PARP8: variants seen among roughly 807,000 people sequenced by gnomAD.
PARP8 encodes protein mono-ADP-ribosyltransferase PARP8.
A neutral mutation model predicts 124.1 loss-of-function variants in PARP8; 51 were observed. The observed-to-expected ratio is 0.41, with a 90% CI of 0.33 to 0.52. The LOEUF is 0.52. Ranked by LOEUF, PARP8 falls within the 20% of genes least tolerant of loss-of-function variation. The pLI, the probability that PARP8 is intolerant of heterozygous loss-of-function variation, is 0.21. For missense variants in PARP8, 860 were observed against 1,018.9 expected (o/e 0.84, Z 2.12); for synonymous variants, 391 against 361.5 (o/e 1.08, Z -0.93).
At chr5:50,667,293 TG>T in intron 1 of PARP8, 107 bp downstream of exon 1, 1 of 1,198,210 alleles carries the variant, frequency 8.3e-7, no homozygotes, top group East Asian at 2.4e-5. Flanking sequence ...GTCCCCATTC[TG>T]GGGTTCATTT....
chr5:50,743,754 A>G (rs1039029319), intron 2 of PARP8, among the ~76,000 whole-genome samples: 2 of 152,038 alleles, frequency 1.3e-5, no homozygotes, highest in Non-Finnish European at 2.9e-5. Context: ...ACATAAATAA[A>G]TAAATAAATA....
chr5:50,844,408 TTC>T lies in PARP8; in HGVS notation c.*2342_*2343del, dbSNP rs1186070109. ...ACTATAATAACTGATAAAGATGAAT[TTC>T]TGTGTTTCTAAAGAATCTAATTTCA... On this transcript the variant is annotated 3_prime_UTR_variant, in exon 26 of 26. Coordinates refer to ENST00000281631, the MANE Select transcript of PARP8 (RefSeq NM_024615.4). The T allele has an allele frequency of 6.6e-6, 1 of 151,756 alleles. No homozygotes were observed. Among genetic ancestry groups the T allele is most frequent in the Non-Finnish European group, 1.5e-5 (1 of 67,784 alleles). 9.4% of individuals were successfully genotyped at this position (151,756 alleles called of 1,614,324 possible).
At chr5:50,739,027 A>G in intron 2 of PARP8, 2 of 702,588 alleles carry the variant, frequency 2.8e-6, no homozygotes, top group Middle Eastern at 2.3e-4. Context: ...GCTAACCAGC[A>G]GAGACCAGAG....
intron 14 of PARP8, among the ~76,000 whole-genome samples, chr5:50,813,848 C>G (rs1446909438): frequency 6.6e-6 from 1 of 152,090 alleles, no homozygotes; most frequent in Non-Finnish European, 1.5e-5. Flanking sequence ...CGCACACACA[C>G]ACACAAATAT....
chr5:50,694,177 C>T (rs1752787015), intron 2 of PARP8, among the ~76,000 whole-genome samples: 1 of 152,130 alleles, frequency 6.6e-6, no homozygotes, highest in South Asian at 2.1e-4. Context: ...TCTATTTACT[C>T]ATACTATATT....
intron 22 of PARP8, among the ~76,000 whole-genome samples, chr5:50,832,017 A>T (rs1297135452): frequency 6.6e-6 from 1 of 152,130 alleles, no homozygotes; most frequent in Non-Finnish European, 1.5e-5. Context: ...CTTCTCCTCA[A>T]CCTGTCCCCA....
At chr5:50,687,923 A>G (rs1204408248) in intron 2 of PARP8, among the ~76,000 whole-genome samples, 1 of 152,130 alleles carries the variant, frequency 6.6e-6, no homozygotes, top group Non-Finnish European at 1.5e-5. Flanking sequence ...GTCTCCTTGT[A>G]GCATCCACCT....
intron 2 of PARP8, among the ~76,000 whole-genome samples, chr5:50,711,100 A>AT (rs1246390943): frequency 6.6e-6 from 1 of 152,068 alleles, no homozygotes; most frequent in Non-Finnish European, 1.5e-5. Context: ...TAGCATCTTG[A>AT]TTCCTCCTCT....
rs971592522 is a variant in PARP8 at position 50,828,225 on chromosome 5, G to C, written c.2091-87G>C. 2.9e-6 allele frequency: 4 copies of C among 1,364,910 alleles called. No homozygotes were observed. In the African/African-American group the frequency reaches 5.8e-5, roughly 20 times the overall value. 84.5% of individuals were successfully genotyped at this position (1,364,910 alleles called of 1,614,324 possible). A position where few individuals can be genotyped will look rare whatever the true frequency, so the allele number is the denominator to read the frequency against. ...TTGATTTGGCAATCCAGAACCTTCA[G>C]AAGGCACCATGACTTATTATGTTTT... On this transcript the variant is annotated intron_variant, in intron 20 of 25. Coordinates refer to ENST00000281631, the MANE Select transcript of PARP8 (RefSeq NM_024615.4).
intron 3 of PARP8, among the ~76,000 whole-genome samples, chr5:50,757,421 A>G (rs138418568): frequency 2.0e-5 from 3 of 152,260 alleles, no homozygotes; most frequent in East Asian, 3.9e-4. Flanking sequence ...TTCCTGTTCT[A>G]TGTTTCTGAT....
chr5:50,801,577 G>A (rs774437930), intron 14 of PARP8, among the ~76,000 whole-genome samples: 2 of 152,082 alleles, frequency 1.3e-5, no homozygotes, highest in Non-Finnish European at 2.9e-5. Flanking sequence ...TTGAACATTT[G>A]TATCATCTCT....
intron 2 of PARP8, chr5:50,738,867 T>C (rs1337246969): frequency 3.1e-6 from 2 of 642,862 alleles, no homozygotes; most frequent in Non-Finnish European, 5.7e-6. Flanking sequence ...AGGATAGTTA[T>C]TTGTTCATGT....
At chr5:50,832,666 A>T in intron 22 of PARP8, 115 bp from the exon 23 acceptor site, 1 of 988,756 alleles carries the variant, frequency 1.0e-6, no homozygotes. Flanking sequence ...TACTGTCTCT[A>T]GCCTAATGTG....
At chr5:50,667,563 G>C in intron 1 of PARP8, 1 of 700,024 alleles carries the variant, frequency 1.4e-6, no homozygotes, top group Non-Finnish European at 2.6e-6. Context: ...GCTGAGCGGC[G>C]GCGGCCGGGA....
At chr5:50,754,064 T>C (rs1236912113) in intron 3 of PARP8, among the ~76,000 whole-genome samples, 4 of 136,050 alleles carry the variant, frequency 2.9e-5, no homozygotes, top group Admixed American at 1.5e-4. Flanking sequence ...AAAAAAGAGC[T>C]TAGAAGTCAA....
At chr5:50,772,842 G>A (rs777774014) in intron 7 of PARP8, among the ~76,000 whole-genome samples, 3 of 152,094 alleles carry the variant, frequency 2.0e-5, no homozygotes, top group Admixed American at 6.5e-5. Context: ...GGCTACAGGC[G>A]TGTGCCACCA....
At chr5:50,721,588 T>G (rs1755894600) in intron 2 of PARP8, among the ~76,000 whole-genome samples, 1 of 152,094 alleles carries the variant, frequency 6.6e-6, no homozygotes, top group Non-Finnish European at 1.5e-5. Flanking sequence ...TTCTGTGCCT[T>G]TCATTTCTGT....
At chr5:50,705,055 G>C (rs1469509604) in intron 2 of PARP8, among the ~76,000 whole-genome samples, 1 of 152,162 alleles carries the variant, frequency 6.6e-6, no homozygotes, top group Non-Finnish European at 1.5e-5. Flanking sequence ...GGACAAAGCA[G>C]TGTCTTCATT....
At position 50,688,879 on chromosome 5, in the gene PARP8, G is replaced by A. The variant is rs554285132; in HGVS notation, c.146+20754G>A. On this transcript the variant is annotated intron_variant, in intron 2 of 25. Transcript: ENST00000281631. ...AACATTATGATGTATTATTGGTTGA[G>A]CGGTAGCCCAAGCTACTCAGACAAG... 9.2e-5 allele frequency among the ~76,000 whole-genome samples: 14 copies of A among 152,196 alleles called. No individual in the cohort carries two copies. The East Asian group carries it at 2.7e-3, about 29-fold the overall frequency.
Sources: gnomAD v4.1 joint callset for allele counts (sites outside exome capture counted in the v4.1 genomes callset) on GRCh38, gnomAD v4.1.1 for gene constraint, MANE v1.5 for transcripts, NCBI Gene and HGNC (gene_info 2026-07-23, HGNC 2026-07-21) for gene names.